The following NEDD4L variants were observed in gnomAD, a reference collection of about 807,000 sequenced individuals.
NEDD4L encodes E3 ubiquitin-protein ligase NEDD4-like.
In NEDD4L, 54 loss-of-function variants were observed where a neutral mutation model predicts 148.9. The observed-to-expected ratio is 0.36, with a 90% CI of 0.29 to 0.45. NEDD4L has a LOEUF of 0.45. Ranked by LOEUF, NEDD4L falls within the 20% of genes least tolerant of loss-of-function variation. The pLI is 1.00. For synonymous variants in NEDD4L, 433 were observed against 440.7 expected, an observed-to-expected ratio of 0.98 and a Z score of 0.22; for missense variants, 856 against 1,233.8, an observed-to-expected ratio of 0.69 and a Z score of 4.59.
At chr18:58,303,753 A>T (rs984349470) in intron 5 of NEDD4L, among the ~76,000 whole-genome samples, 1 of 152,254 alleles carries the variant, frequency 6.6e-6, no homozygotes, top group Non-Finnish European at 1.5e-5. Context: ...GAGATTAGCC[A>T]CTAAGAAATA....
At chr18:58,103,727 A>C (rs2084905796) in intron 1 of NEDD4L, among the ~76,000 whole-genome samples, 1 of 152,242 alleles carries the variant, frequency 6.6e-6, no homozygotes, top group African/African-American at 2.4e-5. Context: ...CTAGAAGTGA[A>C]ACCAAAACCT....
At chr18:58,323,542 G>A (rs186605161) in intron 8 of NEDD4L, among the ~76,000 whole-genome samples, 4 of 152,202 alleles carry the variant, frequency 2.6e-5, no homozygotes, top group South Asian at 4.2e-4. Context: ...ACCAATCCTC[G>A]GAGAGATTTC....
At chr18:58,166,842 G>C (rs2036903710) in intron 2 of NEDD4L, among the ~76,000 whole-genome samples, 1 of 152,094 alleles carries the variant, frequency 6.6e-6, no homozygotes, top group Non-Finnish European at 1.5e-5. Flanking sequence ...CTAGATTTCA[G>C]TGCCCCTGCC....
chr18:58,237,024 AAATAAT>A (rs74175853), intron 2 of NEDD4L, among the ~76,000 whole-genome samples: 6 of 150,364 alleles, frequency 4.0e-5, no homozygotes, highest in Admixed American at 1.3e-4. Flanking sequence ...ACTCCATCTC[AAATAAT>A]AATAATAATA....
intron 1 of NEDD4L, among the ~76,000 whole-genome samples, chr18:58,070,659 C>T (rs2082820291): frequency 1.3e-5 from 2 of 152,050 alleles, no homozygotes; most frequent in South Asian, 4.1e-4. Flanking sequence ...GAATTATAAA[C>T]CATTCAGCAG....
chr18:58,209,704 C>A, intron 2 of NEDD4L, among the ~76,000 whole-genome samples: 1 of 124,434 alleles, frequency 8.0e-6, no homozygotes. Flanking sequence ...AGAAAAAGAT[C>A]AACTAAGTAA....
chr18:58,305,350 G>A (rs567855181), intron 5 of NEDD4L, among the ~76,000 whole-genome samples: 3 of 152,294 alleles, frequency 2.0e-5, no homozygotes, highest in African/African-American at 7.2e-5. Context: ...ATAAGATAGA[G>A]GGCTTTTAAA....
intron 2 of NEDD4L, among the ~76,000 whole-genome samples, chr18:58,219,897 T>G (rs968923203): frequency 6.6e-6 from 1 of 152,228 alleles, no homozygotes; most frequent in Admixed American, 6.5e-5. Context: ...AATAAAAACT[T>G]GTTCAACTTG....
chr18:58,213,339 T>G (rs1329901118), intron 2 of NEDD4L, among the ~76,000 whole-genome samples: 3 of 152,230 alleles, frequency 2.0e-5, no homozygotes, highest in Admixed American at 1.3e-4. Context: ...ACCCATCAGT[T>G]GAAAAACGGC....
At chr18:58,111,563 T>C (rs1297557825) in intron 1 of NEDD4L, among the ~76,000 whole-genome samples, 1 of 152,184 alleles carries the variant, frequency 6.6e-6, no homozygotes, top group East Asian at 1.9e-4. Flanking sequence ...CTTCTTTCAA[T>C]TAGTGGAGTG....
intron 24 of NEDD4L, among the ~76,000 whole-genome samples, chr18:58,381,315 C>T (rs778861692): frequency 9.9e-5 from 15 of 152,198 alleles, no homozygotes; most frequent in Non-Finnish European, 1.8e-4. Context: ...CATCCCTGGG[C>T]GCTGCTTTTG....
intron 5 of NEDD4L, among the ~76,000 whole-genome samples, chr18:58,259,715 G>A (rs2049093289): frequency 6.6e-6 from 1 of 152,082 alleles, no homozygotes; most frequent in African/African-American, 2.4e-5. Context: ...GTAAACGGAG[G>A]GAGGAGGGCC....
chr18:58,273,531 G>GACTTCTTT (rs1777565810), intron 5 of NEDD4L, among the ~76,000 whole-genome samples: 2 of 152,200 alleles, frequency 1.3e-5, no homozygotes, highest in South Asian at 2.1e-4. Flanking sequence ...AGGGCTTGCA[G>GACTTCTTT]ACTTCTTTTT....
Position 58,322,445 on chromosome 18 carries a change from G to A in NEDD4L, c.369G>A (p.Glu123=). The A allele has an allele frequency of 2.5e-6, 4 of 1,588,050 alleles. No homozygotes were observed. The highest frequency in any genetic ancestry group is 3.4e-6 in the Non-Finnish European group (4 of 1,164,294). Residue 123 remains glutamate, a synonymous_variant, in exon 7 of 31, where the codon GAG becomes GAA. Transcript: ENST00000400345. ...CACAGACAGAAGATCCAACCATGGA[G>A]CGACCCTATACATTTAAGGACTTTC... ...SHLPTEDPTM[E]RPYTFKDFLL...
chr18:58,057,168 A>G (rs890531722), intron 1 of NEDD4L, among the ~76,000 whole-genome samples: 8 of 151,822 alleles, frequency 5.3e-5, no homozygotes, highest in Admixed American at 3.9e-4. Context: ...TGAAATGCAC[A>G]TGCTCCCTTT....
intron 1 of NEDD4L, among the ~76,000 whole-genome samples, chr18:58,047,935 CA>C (rs2144403456): frequency 6.6e-6 from 1 of 152,242 alleles, no homozygotes; most frequent in South Asian, 2.1e-4. Context: ...TTCTACTGAA[CA>C]AAATACTGGG....
chr18:58,151,711 A>G (rs1247703631), intron 1 of NEDD4L, among the ~76,000 whole-genome samples: 1 of 150,114 alleles, frequency 6.7e-6, no homozygotes, highest in African/African-American at 2.5e-5. Context: ...GAGTGTTAAT[A>G]GTAACTTAAT....
intron 1 of NEDD4L, among the ~76,000 whole-genome samples, chr18:58,129,178 G>A (rs999044134): frequency 7.2e-5 from 11 of 152,352 alleles, no homozygotes; most frequent in African/African-American, 2.2e-4. Flanking sequence ...CCAGTTGCCC[G>A]TGCTTCAAGA....
At chr18:58,166,297 G>T (rs1226495160) in intron 2 of NEDD4L, among the ~76,000 whole-genome samples, 3 of 152,260 alleles carry the variant, frequency 2.0e-5, no homozygotes, top group Non-Finnish European at 4.4e-5. Flanking sequence ...TGGGGCGAAT[G>T]TGGTGATTTC....
Sources: gnomAD v4.1 joint callset for allele counts (sites outside exome capture counted in the v4.1 genomes callset) on GRCh38, gnomAD v4.1.1 for gene constraint, MANE v1.5 for transcripts, NCBI Gene and HGNC (gene_info 2026-07-23, HGNC 2026-07-21) for gene names.